The following CDH12 variants were observed in gnomAD, a reference collection of about 807,000 sequenced individuals.
CDH12 encodes the protein cadherin 12, also known as cadherin-12.
CDH12 carries 41 observed loss-of-function variants against 74.1 expected under a neutral mutation model. The observed-to-expected ratio is 0.55, with a 90% CI of 0.43 to 0.72. The LOEUF (loss-of-function observed/expected upper bound fraction) is 0.72, where lower values mean the gene tolerates loss of function less well. CDH12 is among the 30% of genes least tolerant of loss of function. The pLI, the probability that CDH12 is intolerant of heterozygous loss-of-function variation, is 0.00. For missense variants in CDH12, 945 were observed against 977.2 expected, an observed-to-expected ratio of 0.97 and a Z score of 0.44; for synonymous variants, 399 against 355.0, an observed-to-expected ratio of 1.12 and a Z score of -1.39.
chr5:22,753,198 T>G (rs1235750264), intron 1 of CDH12, among the ~76,000 whole-genome samples: 1 of 151,938 alleles, frequency 6.6e-6, no homozygotes, highest in Non-Finnish European at 1.5e-5. Flanking sequence ...GAAACAGAAG[T>G]TTATTAAGCT....
intron 4 of CDH12, among the ~76,000 whole-genome samples, chr5:22,116,993 C>A (rs1478656654): frequency 6.9e-6 from 1 of 145,920 alleles, no homozygotes; most frequent in Non-Finnish European, 1.5e-5. Context: ...GTTTCTTGGT[C>A]AAGAAATGAA....
At chr5:21,851,670 T>C (rs1189364445) in intron 7 of CDH12, among the ~76,000 whole-genome samples, 1 of 151,186 alleles carries the variant, frequency 6.6e-6, no homozygotes, top group East Asian at 1.9e-4. Context: ...AGGCAAACAA[T>C]TGTCAAATAC....
chr5:21,849,887 T>A (rs908570217), intron 7 of CDH12, among the ~76,000 whole-genome samples: 20 of 151,656 alleles, frequency 1.3e-4, no homozygotes, highest in Admixed American at 5.9e-4. Flanking sequence ...CAATAGTCAA[T>A]ATATGAAAAC....
intron 5 of CDH12, among the ~76,000 whole-genome samples, chr5:21,998,426 A>G (rs2150141681): frequency 6.6e-6 from 1 of 152,266 alleles, no homozygotes; most frequent in African/African-American, 2.4e-5. Context: ...TTTATCTATT[A>G]GCATAATGTT....
chr5:22,452,774 A>C (rs1375339559), intron 2 of CDH12, among the ~76,000 whole-genome samples: 4 of 151,376 alleles, frequency 2.6e-5, no homozygotes, highest in African/African-American at 9.7e-5. Context: ...CAATCAACAG[A>C]GCAAAGATAC....
chr5:22,473,531 A>G (rs1487262117), intron 2 of CDH12, among the ~76,000 whole-genome samples: 1 of 152,096 alleles, frequency 6.6e-6, no homozygotes, highest in Non-Finnish European at 1.5e-5. Flanking sequence ...CATGGGGATA[A>G]AAACCCTTAT....
chr5:22,696,989 A>G (rs537306241), intron 1 of CDH12, among the ~76,000 whole-genome samples: 1 of 152,268 alleles, frequency 6.6e-6, no homozygotes, highest in African/African-American at 2.4e-5. Flanking sequence ...CTACCGTGTA[A>G]CCCAGATTGA....
intron 4 of CDH12, among the ~76,000 whole-genome samples, chr5:22,182,342 C>A (rs1255268845): frequency 1.3e-5 from 2 of 152,120 alleles, no homozygotes; most frequent in Admixed American, 6.5e-5. Context: ...TATATGCATT[C>A]CACATGTTGG....
chr5:22,831,459 A>C (rs1337895503), intron 1 of CDH12, among the ~76,000 whole-genome samples: 1 of 151,366 alleles, frequency 6.6e-6, no homozygotes, highest in African/African-American at 2.4e-5. Flanking sequence ...TAGGTCTTTA[A>C]ACTTTATAGG....
rs1299773421 is a variant in CDH12 at position 22,408,749 on chromosome 5, A to C, written c.-427-3398T>G. ...GACTCAATATCACTGAAGTCAAAAC[A>C]CCTGGAAAAAAATAGATTCCACCAC... On this transcript the variant is annotated intron_variant, in intron 2 of 14. Coordinates refer to ENST00000382254, the MANE Select transcript of CDH12 (RefSeq NM_004061.5). Among the ~76,000 whole-genome samples, 3 of 150,578 alleles carry C rather than the reference A, an allele frequency of 2.0e-5. No homozygotes were observed. In the East Asian group the frequency reaches 5.8e-4, roughly 29 times the overall value.
At chr5:22,448,378 C>T (rs1174148957) in intron 2 of CDH12, among the ~76,000 whole-genome samples, 1 of 151,576 alleles carries the variant, frequency 6.6e-6, no homozygotes, top group African/African-American at 2.4e-5. Flanking sequence ...GTTCCTTTTC[C>T]TCCCAATAAA....
chr5:22,385,261 G>T (rs565521100), intron 3 of CDH12, among the ~76,000 whole-genome samples: 2 of 152,160 alleles, frequency 1.3e-5, no homozygotes, highest in East Asian at 3.9e-4. Context: ...CATACAGATT[G>T]GTTAAAGCTT....
chr5:22,026,406 C>T (rs1738358398), intron 5 of CDH12, among the ~76,000 whole-genome samples: 1 of 152,130 alleles, frequency 6.6e-6, no homozygotes, highest in African/African-American at 2.4e-5. Context: ...TGACCAACTG[C>T]TAACCCTTGG....
rs886588891 is a variant in CDH12 at position 22,405,312 on chromosome 5, C to T, written c.-388G>A. ...GCTTATGTATCTCAAATTGTTTTGA[C>T]CTCCACAGTAACTTGATTCTATAGC... On this transcript the variant is annotated 5_prime_UTR_variant, in exon 3 of 15. Transcript: ENST00000382254. The T allele has an allele frequency of 1.0e-6, 1 of 982,476 alleles. No homozygotes were observed. Among genetic ancestry groups the T allele is most frequent in the South Asian group, 4.7e-5 (1 of 21,232 alleles). The allele number at this position is 982,476 out of a possible 1,614,324, so 60.9% of individuals were successfully genotyped here.
intron 3 of CDH12, among the ~76,000 whole-genome samples, chr5:22,362,210 C>T (rs1019082053): frequency 2.0e-4 from 30 of 152,144 alleles, no homozygotes; most frequent in African/African-American, 6.5e-4. Flanking sequence ...CCAGAATCTA[C>T]AAAGAACTCA....
intron 7 of CDH12, among the ~76,000 whole-genome samples, chr5:21,851,925 G>A (rs1388595951): frequency 6.6e-6 from 1 of 151,252 alleles, no homozygotes; most frequent in Non-Finnish European, 1.5e-5. Context: ...AGGTTTTGAT[G>A]AGACTTTTCT....
chr5:21,888,428 T>G (rs1436441332), intron 6 of CDH12, among the ~76,000 whole-genome samples: 1 of 152,116 alleles, frequency 6.6e-6, no homozygotes, highest in Non-Finnish European at 1.5e-5. Context: ...TTCCTCAGTT[T>G]AGGAAACAAT....
intron 1 of CDH12, among the ~76,000 whole-genome samples, chr5:22,514,180 C>T (rs1306741565): frequency 1.3e-5 from 2 of 151,804 alleles, no homozygotes; most frequent in Non-Finnish European, 2.9e-5. Flanking sequence ...AAAAATATGT[C>T]TGCCTGAAGT....
chr5:22,221,095 C>T (rs970792682), intron 3 of CDH12, among the ~76,000 whole-genome samples: 4 of 151,566 alleles, frequency 2.6e-5, no homozygotes, highest in South Asian at 2.1e-4. Flanking sequence ...TTTTACTGTT[C>T]GATGTATTTA....
Sources: allele counts gnomAD v4.1 joint callset (sites outside exome capture counted in the v4.1 genomes callset), GRCh38; gene constraint gnomAD v4.1.1; transcripts MANE v1.5; gene names NCBI Gene and HGNC (gene_info 2026-07-23, HGNC 2026-07-21).